Variants in ABCA9 observed in about 807,000 individuals in gnomAD.
ABCA9 encodes the protein ATP binding cassette subfamily A member 9, also known as ATP-binding cassette sub-family A member 9.
Under a neutral mutation model 205.3 loss-of-function variants are expected in ABCA9, and 183 were observed. That is an observed-to-expected ratio of 0.89 (90% confidence interval 0.79 to 1.01). The LOEUF is 1.01. Ranked by LOEUF, ABCA9 falls within the 50% of genes least tolerant of loss-of-function variation. The pLI, the probability that ABCA9 is intolerant of heterozygous loss-of-function variation, is 0.00. For synonymous variants in ABCA9, 651 were observed against 683.3 expected (o/e 0.95, Z 0.74); for missense variants, 1,805 against 1,912.4 (o/e 0.94, Z 1.05).
chr17:69,073,669 C>A, the ABCA9 span, among the ~76,000 whole-genome samples: 75 of 152,216 alleles, frequency 4.9e-4, 1 homozygote, highest in Admixed American at 3.7e-3. Flanking sequence ...AATTGACACC[C>A]TAACATTACA....
chr17:68,984,777 CT>C lies in ABCA9; in HGVS notation c.4379+107del, dbSNP rs1308261727. 10 of 1,421,300 alleles carry C rather than the reference CT, an allele frequency of 7.0e-6. No homozygotes were observed. In the East Asian group the frequency reaches 2.3e-4, roughly 33 times the overall value. 88.0% of individuals were successfully genotyped at this position (1,421,300 alleles called of 1,614,324 possible). ...GATAATTTTTTTTCCTAAAATATTG[CT>C]TTTCCTGATACTGTGTCTTTTCCTT... On this transcript the variant is annotated intron_variant, in intron 34 of 38. Transcript: ENST00000340001.
At chr17:68,989,259 C>CACACAT in intron 30 of ABCA9, 141 bp from the exon 31 acceptor site, 1 of 352,332 alleles carries the variant, frequency 2.8e-6, no homozygotes, top group Non-Finnish European at 4.7e-6. Context: ...CTCTCTCTCA[C>CACACAT]ACACACACAC....
At chr17:69,064,168 G>A, upstream of ABCA9, among the ~76,000 whole-genome samples, 1 of 152,022 alleles carries the variant, frequency 6.6e-6, no homozygotes, top group Non-Finnish European at 1.5e-5. Context: ...CTTATTTTAT[G>A]GTCTCTTTAA....
At chr17:68,994,470 ACT>A (rs1223350791) in intron 26 of ABCA9, among the ~76,000 whole-genome samples, 2 of 152,070 alleles carry the variant, frequency 1.3e-5, no homozygotes, top group Non-Finnish European at 2.9e-5. Context: ...AATAAGAGAA[ACT>A]CTCTACTTTG....
chr17:68,986,207 C>A lies in ABCA9; in HGVS notation c.4165G>T (p.Val1389Leu). 1.2e-6 allele frequency: 2 copies of A among 1,613,394 alleles called. No individual in the cohort carries two copies. Among genetic ancestry groups the A allele is most frequent in the Non-Finnish European group, 1.7e-6 (2 of 1,179,636 alleles). Residue 1389 changes from valine (V) to leucine (L), a missense_variant, in exon 32 of 39, where the codon GTG becomes TTG. Coordinates refer to ENST00000340001, the MANE Select transcript of ABCA9 (RefSeq NM_080283.4). ...VRQHLEVYAA[V>L]KGLRKGDAMI... ...GCGTCCCCTTTCCTGAGACCTTTCACGGCAGCGTACACCTCCAGGTGCTGC... is the reference window on the plus strand; with the variant it reads ...GCGTCCCCTTTCCTGAGACCTTTCAAGGCAGCGTACACCTCCAGGTGCTGC...
the ABCA9 span, among the ~76,000 whole-genome samples, chr17:69,071,324 A>C: frequency 6.6e-6 from 1 of 152,176 alleles, no homozygotes; most frequent in Non-Finnish European, 1.5e-5. Flanking sequence ...GGGTTGACAG[A>C]CAGCTCATAC....
chr17:69,023,162 A>T lies in ABCA9; in HGVS notation c.2281+1052T>A, dbSNP rs1470603755. On this transcript the variant is annotated intron_variant, in intron 17 of 38. Coordinates refer to ENST00000340001, the MANE Select transcript of ABCA9 (RefSeq NM_080283.4). The surrounding 1 kb of genome is among the most constrained non-coding windows in gnomAD (Gnocchi z 4.2). ...TTAAATGATAGTAGATCATATTTTA[A>T]ATGGTAGCATTATTTCTTTGTGTTT... is the stretch of plus-strand genomic sequence containing the variant. 6.6e-6 allele frequency: 1 copy of T among 152,144 alleles called. No homozygotes were observed. The highest frequency in any genetic ancestry group is 1.5e-5 in the Non-Finnish European group (1 of 68,016). The allele number at this position is 152,144 out of a possible 1,614,324, so 9.4% of individuals were successfully genotyped here. A position where few individuals can be genotyped will look rare whatever the true frequency, so the allele number is the denominator to read the frequency against.
Position 68,984,072 on chromosome 17 carries a change from C to G in ABCA9, c.4483G>C (p.Val1495Leu). Residue 1495 changes from valine to leucine, a missense_variant, in exon 35 of 39, where the codon GTG becomes CTG. Val to Leu is a conservative substitution (Grantham distance 32). Coordinates refer to ENST00000340001, the MANE Select transcript of ABCA9 (RefSeq NM_080283.4). ...EAVCDRVAIMVSGRLRCIGSI... is the reference protein window; with the variant it reads ...EAVCDRVAIMLSGRLRCIGSI... ...GGCACTCACCTCAGCCTTCCTGACACCATGATGGCCACTCGGTCACACACC... is the reference window on the plus strand; with the variant it reads ...GGCACTCACCTCAGCCTTCCTGACAGCATGATGGCCACTCGGTCACACACC... The G allele has an allele frequency of 6.2e-7, 1 of 1,614,142 alleles. No homozygotes were observed. Among genetic ancestry groups the G allele is most frequent in the Non-Finnish European group, 8.5e-7 (1 of 1,180,004 alleles).
chr17:69,042,166 C>T (rs1473386684), intron 6 of ABCA9: 1 of 114,510 alleles, frequency 8.7e-6, no homozygotes, highest in East Asian at 2.2e-4. Context: ...ACCCTTGTTT[C>T]CTAACTTGCC....
intron 25 of ABCA9, among the ~76,000 whole-genome samples, chr17:69,002,905 T>C (rs1375232192): frequency 7.0e-6 from 1 of 143,600 alleles, no homozygotes; most frequent in African/African-American, 2.7e-5. Flanking sequence ...CTTTGTTGGT[T>C]TAAAGTCTGT....
chr17:69,065,986 T>C, the ABCA9 span, among the ~76,000 whole-genome samples: 1 of 152,208 alleles, frequency 6.6e-6, no homozygotes, highest in South Asian at 2.1e-4. Flanking sequence ...CCTTCTGCCA[T>C]GAATGTAAGT....
At chr17:68,976,347 A>G (rs1567906534) in intron 37 of ABCA9, among the ~76,000 whole-genome samples, 157 bp from the exon 38 acceptor site, 2 of 152,206 alleles carry the variant, frequency 1.3e-5, no homozygotes, top group Non-Finnish European at 2.9e-5. Flanking sequence ...CGATATAGTC[A>G]TATAACAGGA....
chr17:68,977,263 C>A (rs1204751033), intron 37 of ABCA9, among the ~76,000 whole-genome samples: 1 of 151,944 alleles, frequency 6.6e-6, no homozygotes, highest in African/African-American at 2.4e-5. Context: ...CCCCGGGGAG[C>A]TGTAATCAGA....
rs147963220 is a variant in ABCA9, at chr17:69,033,725, C to T, written c.1276+1G>A. The T allele has an allele frequency of 5.2e-5, 83 of 1,604,904 alleles. No homozygotes were observed. The highest frequency in any genetic ancestry group is 6.1e-5 in the Non-Finnish European group (72 of 1,175,750). On this transcript the variant is annotated splice_donor_variant, in intron 9 of 38. Coordinates refer to ENST00000340001, the MANE Select transcript of ABCA9 (RefSeq NM_080283.4). LOFTEE classifies it high-confidence loss of function. ...TAAATTACAGCCATGTTAGTACTTA[C>T]CGGGCAAAATTTTGTCAAAATATAA... is the stretch of plus-strand genomic sequence containing the variant.
intron 21 of ABCA9, 95 bp downstream of exon 21, chr17:69,017,561 G>T: frequency 7.2e-7 from 1 of 1,381,502 alleles, no homozygotes; most frequent in Non-Finnish European, 1.0e-6. Flanking sequence ...ATTTGTTTGT[G>T]TGAAATTGGC....
Position 69,049,328 on chromosome 17 carries a change from T to C in ABCA9, c.259A>G (p.Thr87Ala), listed in dbSNP as rs2071823994. The C allele has an allele frequency of 1.2e-6, 2 of 1,613,230 alleles. No homozygotes were observed. Among genetic ancestry groups the C allele is most frequent in the African/African-American group, 1.3e-5 (1 of 74,874 alleles). The change falls in exon 3 of 39, where the codon ACC (threonine) becomes GCC (alanine). Residue 87 changes from threonine (T) to alanine (A), a missense_variant. Coordinates refer to ENST00000340001, the MANE Select transcript of ABCA9 (RefSeq NM_080283.4). ...VIAFAPESKT[T>A]QEIMNKVASA... ...GCCACTTTGTTCATTATCTCTTGGG[T>C]AGTTTTGGATTCAGGTGCAAATGCA...
intron 1 of ABCA9, among the ~76,000 whole-genome samples, chr17:69,052,420 G>GA (rs914696195): frequency 2.6e-5 from 4 of 151,874 alleles, no homozygotes; most frequent in African/African-American, 9.7e-5. Flanking sequence ...AGGTAAAAAA[G>GA]AAAAAACAGT....
the ABCA9 span, among the ~76,000 whole-genome samples, chr17:69,071,039 A>C: frequency 2.6e-5 from 4 of 152,208 alleles, no homozygotes; most frequent in Admixed American, 2.6e-4. Context: ...CTGCCTCTCT[A>C]GATTCCTCCT....
chr17:68,977,876 C>A (rs1323868525), intron 37 of ABCA9, among the ~76,000 whole-genome samples: 1 of 152,188 alleles, frequency 6.6e-6, no homozygotes, highest in East Asian at 1.9e-4. Context: ...ATGAGAACTT[C>A]ACTTTTAGCA....
Sources: gnomAD v4.1 joint callset for allele counts (sites outside exome capture counted in the v4.1 genomes callset) on GRCh38, gnomAD v4.1.1 for gene constraint, Gnocchi (gnomAD v3.1) non-coding constraint, MANE v1.5 for transcripts, NCBI Gene and HGNC (gene_info 2026-07-23, HGNC 2026-07-21) for gene names.